Variants in MME observed in about 807,000 individuals in gnomAD.
MME encodes membrane metalloendopeptidase.
A neutral mutation model predicts 113.2 loss-of-function variants in MME; 98 were observed. That is an observed-to-expected ratio of 0.87 (90% CI 0.74 to 1.02). The LOEUF (loss-of-function observed/expected upper bound fraction) is 1.02. Among genes scored for constraint, MME ranks in the 50% least tolerant of loss-of-function variants. The pLI is 0.00. For missense variants in MME, 836 were observed against 896.0 expected (o/e 0.93, Z 0.86); for synonymous variants, 292 against 300.6 (o/e 0.97, Z 0.30).
chr3:155,090,881 G>A (rs1716229888), intron 3 of MME, among the ~76,000 whole-genome samples: 2 of 152,178 alleles, frequency 1.3e-5, no homozygotes, highest in South Asian at 2.1e-4. Context: ...GATGCCCTAG[G>A]TGATGCATCT....
chr3:155,140,321 A>G, intron 10 of MME, 29 bp downstream of exon 10: 1 of 1,362,096 alleles, frequency 7.3e-7, no homozygotes, highest in South Asian at 1.2e-5. Context: ...GTGCTCTCTT[A>G]TTGTGCCGTT....
intron 1 of MME, among the ~76,000 whole-genome samples, chr3:155,052,873 C>T (rs1713807283): frequency 6.6e-6 from 1 of 152,166 alleles, no homozygotes; most frequent in Non-Finnish European, 1.5e-5. Flanking sequence ...AACTTTTATG[C>T]TCTGCCTTCT....
chr3:155,144,828 A>T (rs1366065052), intron 14 of MME, among the ~76,000 whole-genome samples: 1 of 152,102 alleles, frequency 6.6e-6, no homozygotes, highest in Non-Finnish European at 1.5e-5. Context: ...GTTTCATAAG[A>T]ATAGGTCTAA....
chr3:155,085,005 G>A (rs1715542033), intron 2 of MME, 54 bp from the exon 3 acceptor site: 1 of 1,282,650 alleles, frequency 7.8e-7, no homozygotes, highest in South Asian at 1.4e-5. Flanking sequence ...AAGAAAAATA[G>A]AAATTTAAAA....
intron 1 of MME, among the ~76,000 whole-genome samples, chr3:155,048,747 C>A (rs1713652528): frequency 1.3e-5 from 2 of 151,944 alleles, no homozygotes; most frequent in African/African-American, 4.8e-5. Context: ...GGTTTCAGTT[C>A]TTCCTTTTCA....
In MME at chr3:155,085,063, T is replaced by A. The variant is rs749573166; in HGVS notation, c.165T>A (p.Gly55=). 6.3e-7 allele frequency: 1 copy of A among 1,588,006 alleles called. No homozygotes were observed. The highest frequency in any genetic ancestry group is 8.6e-7 in the Non-Finnish European group (1 of 1,160,390). The change falls in exon 3 of 23, where the codon GGT becomes GGA. Residue 55 remains glycine (G), a synonymous_variant. Coordinates refer to ENST00000360490, the MANE Select transcript of MME (RefSeq NM_007289.4). The part of the protein sequence containing the change: ...MIALYATYDD[G]ICKSSDCIKS... ...TATATTCTCTCCTTTTTCTAGATGG[T>A]ATTTGCAAGTCATCAGACTGCATAA...
chr3:155,074,652 G>A lies in MME; in HGVS notation c.-10-9506G>A, dbSNP rs139929585. Among the ~76,000 whole-genome samples the A allele has an allele frequency of 3.7e-4, 56 of 152,028 alleles. No homozygotes were observed. In the East Asian group the frequency reaches 0.01, roughly 27 times the overall value. Reference sequence around the variant, plus strand: ...TCTCCATGTTGGCCAGGCTGGTCTCGAACTCCTGACCTCAAGTGATCCTCC... The same window carrying A: ...TCTCCATGTTGGCCAGGCTGGTCTCAAACTCCTGACCTCAAGTGATCCTCC... On this transcript the variant is annotated intron_variant, in intron 1 of 22. Coordinates refer to the MME transcript ENST00000492661.
At chr3:155,119,252 T>A (rs933710014) in intron 8 of MME, among the ~76,000 whole-genome samples, 1 of 152,090 alleles carries the variant, frequency 6.6e-6, no homozygotes, top group Non-Finnish European at 1.5e-5. Context: ...ATGCAGGTAG[T>A]GACATTGGGC....
At chr3:155,057,011 A>C (rs1713952344) in intron 1 of MME, among the ~76,000 whole-genome samples, 1 of 152,330 alleles carries the variant, frequency 6.6e-6, no homozygotes, top group South Asian at 2.1e-4. Flanking sequence ...AAACCTAGGC[A>C]TTACCATTCA....
intron 3 of MME, among the ~76,000 whole-genome samples, chr3:155,105,777 TTA>T (rs1491399095): frequency 2.0e-5 from 3 of 152,186 alleles, no homozygotes; most frequent in African/African-American, 7.2e-5. Flanking sequence ...AAGAAAGCAT[TTA>T]AAAAACAGCC....
intron 8 of MME, 79 bp downstream of exon 8, chr3:155,118,890 C>A (rs1007387667): frequency 3.1e-6 from 3 of 962,634 alleles, no homozygotes; most frequent in Non-Finnish European, 4.9e-6. Flanking sequence ...AAGATAAAGC[C>A]AAATTAAATT....
chr3:155,152,039 T>C (rs1275271948), intron 16 of MME, among the ~76,000 whole-genome samples: 1 of 152,158 alleles, frequency 6.6e-6, no homozygotes, highest in East Asian at 1.9e-4. Flanking sequence ...CCCTGTTGCC[T>C]GTCTCATGAT....
At chr3:155,173,380 T>C (rs1712192766) in intron 22 of MME, among the ~76,000 whole-genome samples, 2 of 151,780 alleles carry the variant, frequency 1.3e-5, no homozygotes, top group African/African-American at 4.8e-5. Flanking sequence ...AAAATGAAAT[T>C]TGAGAACAAA....
At chr3:155,159,938 G>A (rs1398295585) in intron 16 of MME, among the ~76,000 whole-genome samples, 1 of 151,948 alleles carries the variant, frequency 6.6e-6, no homozygotes, top group Non-Finnish European at 1.5e-5. Flanking sequence ...TTCCCAAAAA[G>A]GTTCTTTGTA....
intron 7 of MME, among the ~76,000 whole-genome samples, 165 bp from the exon 8 acceptor site, chr3:155,118,581 A>G (rs539096687): frequency 2.6e-5 from 4 of 152,342 alleles, no homozygotes; most frequent in African/African-American, 9.6e-5. Context: ...ACTTACAAGT[A>G]GTGTAGAAAG....
intron 8 of MME, among the ~76,000 whole-genome samples, chr3:155,133,685 TATAC>T (rs1419618864): frequency 4.6e-5 from 4 of 86,684 alleles, no homozygotes; most frequent in African/African-American, 1.6e-4. Flanking sequence ...TATATATATA[TATAC>T]CATACATATA....
chr3:155,093,854 T>TAA (rs200029597), intron 3 of MME, among the ~76,000 whole-genome samples: 6 of 113,162 alleles, frequency 5.3e-5, no homozygotes, highest in Admixed American at 8.6e-5. Flanking sequence ...AGACTCTGTC[T>TAA]AAAAAAAAAA....
At chr3:155,170,154 T>G (rs1437608983) in intron 20 of MME, among the ~76,000 whole-genome samples, 1 of 152,156 alleles carries the variant, frequency 6.6e-6, no homozygotes, top group Admixed American at 6.5e-5. Context: ...CAAGCAATTC[T>G]CCTGCCTCAG....
chr3:155,156,705 A>C (rs1310644623), intron 16 of MME, among the ~76,000 whole-genome samples: 1 of 152,146 alleles, frequency 6.6e-6, no homozygotes, highest in Non-Finnish European at 1.5e-5. Context: ...TTGTGATTAC[A>C]AGGTAAGAAT....
Sources: allele counts gnomAD v4.1 joint callset (sites outside exome capture counted in the v4.1 genomes callset), GRCh38; gene constraint gnomAD v4.1.1; transcripts MANE v1.5; gene names NCBI Gene and HGNC (gene_info 2026-07-23, HGNC 2026-07-21).